GLIS3: variants seen among roughly 807,000 people sequenced by gnomAD.
The protein encoded by GLIS3 is zinc finger protein GLIS3.
A neutral mutation model predicts 78.6 loss-of-function variants in GLIS3; 53 were observed. The ratio of observed to expected loss-of-function variants is 0.67; its 90% CI spans 0.54 to 0.85. The LOEUF is 0.85. GLIS3 is among the 40% of genes least tolerant of loss of function. The probability of loss-of-function intolerance (pLI) is 0.00; values close to 1 mark genes in which losing one functional copy is unlikely to be tolerated. For synonymous variants in GLIS3, 684 were observed against 509.9 expected (o/e 1.34, Z -4.60); for missense variants, 1,703 against 1,231.1 (o/e 1.38, Z -5.74).
rs1824602262 is a variant in GLIS3, at chr9:4,253,531, TGG to T, written c.388+32505_388+32506del. On this transcript the variant is annotated intron_variant, in intron 2 of 10. Coordinates refer to ENST00000381971, the MANE Select transcript of GLIS3 (RefSeq NM_001042413.2). ...GTGACAATTTGAAGCCAGTGGATCT[TGG>T]CTTGCTGGGCTCTGTGCGGGTGGGA... 2.6e-5 allele frequency among the ~76,000 whole-genome samples: 4 copies of T among 152,228 alleles called. 1 individual carries two copies. Among genetic ancestry groups the T allele is most frequent in the Admixed American group, 2.6e-4 (4 of 15,286 alleles).
intron 4 of GLIS3, among the ~76,000 whole-genome samples, chr9:4,107,219 C>T (rs910181241): frequency 6.6e-6 from 1 of 152,128 alleles, no homozygotes; most frequent in South Asian, 2.1e-4. Context: ...AGAGAAGAAG[C>T]AGGGGGCACT....
At chr9:4,441,959 G>C in the GLIS3 span, among the ~76,000 whole-genome samples, 843 of 152,224 alleles carry the variant, frequency 5.5e-3, 1 homozygote, top group Non-Finnish European at 9.3e-3. Context: ...GGTAATGTTG[G>C]CTTTAGAGAA....
rs74692127 is a variant in GLIS3 at position 3,855,809 on chromosome 9, A to G, written c.2473+200T>C. 1.6e-3 allele frequency: 1,020 copies of G among 633,696 alleles called. 10 individuals are homozygous for G. Among genetic ancestry groups the G allele is most frequent in the African/African-American group, 0.016 (875 of 55,276 alleles). The allele number at this position is 633,696 out of a possible 1,614,324, so 39.3% of individuals were successfully genotyped here. On this transcript the variant is annotated intron_variant, in intron 9 of 10. Transcript: ENST00000381971. ...AGCTGACCAGTGCGATGTGTCATAAATCATACCATCATCAGGCCAAAGTCA... is the reference window on the plus strand; with the variant it reads ...AGCTGACCAGTGCGATGTGTCATAAGTCATACCATCATCAGGCCAAAGTCA...
the GLIS3 span, among the ~76,000 whole-genome samples, chr9:4,479,662 C>G: frequency 7.2e-5 from 11 of 152,140 alleles, no homozygotes; most frequent in African/African-American, 2.7e-4. Flanking sequence ...ATCTCTCCAC[C>G]TGGCCACACT....
intron 6 of GLIS3, among the ~76,000 whole-genome samples, chr9:3,925,767 T>C (rs1045883766): frequency 1.3e-5 from 2 of 152,244 alleles, no homozygotes; most frequent in African/African-American, 2.4e-5. Flanking sequence ...GTACATAAGC[T>C]CACATTCACT....
At chr9:4,132,872 G>T (rs1341907164) in intron 2 of GLIS3, among the ~76,000 whole-genome samples, 2 of 152,172 alleles carry the variant, frequency 1.3e-5, no homozygotes, top group Non-Finnish European at 2.9e-5. Flanking sequence ...GCCCTTACTG[G>T]CTGTGTGATA....
At chr9:3,967,068 C>CATGA (rs949284762) in intron 4 of GLIS3, among the ~76,000 whole-genome samples, 2 of 130,802 alleles carry the variant, frequency 1.5e-5, no homozygotes, top group Non-Finnish European at 3.2e-5. Flanking sequence ...CAATCAGGTA[C>CATGA]ATGATTGATA....
chr9:4,359,185 T>C, the GLIS3 span, among the ~76,000 whole-genome samples: 516 of 152,270 alleles, frequency 3.4e-3, 4 homozygotes, highest in African/African-American at 0.012. Flanking sequence ...ACCCTAAACG[T>C]TCAGGAACGC....
chr9:4,181,492 G>C (rs929369414), intron 2 of GLIS3, among the ~76,000 whole-genome samples: 3 of 152,154 alleles, frequency 2.0e-5, no homozygotes, highest in African/African-American at 7.2e-5. Context: ...AGGCACTATA[G>C]TGGACATCTG....
intron 4 of GLIS3, among the ~76,000 whole-genome samples, chr9:4,108,621 C>T (rs1286048603): frequency 1.3e-5 from 2 of 152,062 alleles, no homozygotes; most frequent in Admixed American, 1.3e-4. Context: ...AAGAGAGTGA[C>T]AAAAAAGAGT....
intron 2 of GLIS3, among the ~76,000 whole-genome samples, chr9:4,200,414 T>C (rs759425268): frequency 2.0e-5 from 3 of 151,988 alleles, no homozygotes; most frequent in East Asian, 1.9e-4. Context: ...CTAGCTAGAT[T>C]ATTCAAAGAA....
At chr9:4,123,638 TTATAA>T in intron 3 of GLIS3, 1 of 384,194 alleles carries the variant, frequency 2.6e-6, no homozygotes, top group Non-Finnish European at 4.6e-6. Flanking sequence ...TTATAAAAGC[TTATAA>T]TATATTAACT....
chr9:3,935,762 C>G (rs886376120), intron 5 of GLIS3, among the ~76,000 whole-genome samples: 3 of 151,992 alleles, frequency 2.0e-5, no homozygotes, highest in African/African-American at 4.8e-5. Flanking sequence ...TCCCACTATT[C>G]ACCACATGTA....
At chr9:4,478,246 T>C in the GLIS3 span, among the ~76,000 whole-genome samples, 14 of 152,200 alleles carry the variant, frequency 9.2e-5, no homozygotes, top group African/African-American at 1.9e-4. Flanking sequence ...AGGATCATGA[T>C]TGTAACTGAT....
At chr9:4,297,727 C>A (rs1031074344) in intron 1 of GLIS3, among the ~76,000 whole-genome samples, 1 of 152,166 alleles carries the variant, frequency 6.6e-6, no homozygotes, top group Non-Finnish European at 1.5e-5. Context: ...AAGCGGATAC[C>A]GGGGCAAACT....
chr9:4,215,128 G>A (rs1199637846), intron 2 of GLIS3, among the ~76,000 whole-genome samples: 1 of 152,148 alleles, frequency 6.6e-6, no homozygotes, highest in Non-Finnish European at 1.5e-5. Flanking sequence ...GTCTCATGAA[G>A]GTAAGGACAA....
chr9:4,395,013 A>G, the GLIS3 span, among the ~76,000 whole-genome samples: 1 of 152,232 alleles, frequency 6.6e-6, no homozygotes, highest in African/African-American at 2.4e-5. Context: ...CTGATTTAAA[A>G]ATTCGGAACC....
At chr9:4,424,866 T>C in the GLIS3 span, among the ~76,000 whole-genome samples, 1 of 152,144 alleles carries the variant, frequency 6.6e-6, no homozygotes. Context: ...AGCCCATTTT[T>C]TTTTTTTTAA....
At position 4,137,071 on chromosome 9, in the gene GLIS3, T is replaced by C. The variant is rs182145736; in HGVS notation, c.389-11130A>G. Reference sequence around the variant, plus strand: ...AGGCTGGAGGAGCACATGAACCAGCTGTACAGACGGCATAGCAGCCACAGG... The same window carrying C: ...AGGCTGGAGGAGCACATGAACCAGCCGTACAGACGGCATAGCAGCCACAGG... On this transcript the variant is annotated intron_variant, in intron 2 of 10. Coordinates refer to ENST00000381971, the MANE Select transcript of GLIS3 (RefSeq NM_001042413.2). Among the ~76,000 whole-genome samples, 34 of 152,322 alleles carry C rather than the reference T, an allele frequency of 2.2e-4. No homozygotes were observed. The East Asian group carries it at 6.2e-3, about 28-fold the overall frequency.
Sources: gnomAD v4.1 joint callset for allele counts (sites outside exome capture counted in the v4.1 genomes callset) on GRCh38, gnomAD v4.1.1 for gene constraint, MANE v1.5 for transcripts, NCBI Gene and HGNC (gene_info 2026-07-23, HGNC 2026-07-21) for gene names.